Variants in DAZAP2 observed in about 807,000 individuals in gnomAD.
The protein encoded by DAZAP2 is DAZ associated protein 2, also known as DAZ-associated protein 2.
Under a neutral mutation model 16.2 loss-of-function variants are expected in DAZAP2, and 3 were observed. The ratio of observed to expected loss-of-function variants is 0.19; its 90% CI spans 0.08 to 0.48. The LOEUF is 0.48. Ranked by LOEUF, DAZAP2 falls within the 20% of genes least tolerant of loss-of-function variation. DAZAP2 has a pLI of 0.98. For synonymous variants in DAZAP2, 69 were observed against 77.6 expected (o/e 0.89, Z 0.58); for missense variants, 172 against 215.9 (o/e 0.80, Z 1.27).
chr12:51,245,392 G>GT (rs1944753454), downstream of DAZAP2: 1 of 152,682 alleles, frequency 6.5e-6, no homozygotes, highest in Non-Finnish European at 1.5e-5. Flanking sequence ...TAAAAATCAC[G>GT]TAAGCATGAG....
intron 2 of DAZAP2, 57 bp from the exon 3 acceptor site, chr12:51,240,814 G>C: frequency 6.3e-7 from 1 of 1,584,664 alleles, no homozygotes; most frequent in Non-Finnish European, 8.6e-7. Flanking sequence ...TCATTAAAGA[G>C]ATCTCAAATA....
At chr12:51,240,561 TG>T (rs1442736803) in intron 2 of DAZAP2, 100 bp downstream of exon 2, 7 of 1,127,340 alleles carry the variant, frequency 6.2e-6, no homozygotes, top group Admixed American at 5.9e-5. Flanking sequence ...TCTTCACAAA[TG>T]CTAACATGAA....
chr12:51,242,289 T>C, intron 3 of DAZAP2, 41 bp from the exon 4 acceptor site: 1 of 1,537,184 alleles, frequency 6.5e-7, no homozygotes, highest in Non-Finnish European at 8.7e-7. Context: ...TCGCTTATAT[T>C]AGCTGCCCTG....
Position 51,243,138 on chromosome 12 carries a change from G to A in DAZAP2, c.*680G>A, listed in dbSNP as rs762092834. Reference sequence around the variant, plus strand: ...TACAGATGCCATTACTTCTGCTTTCGTATCTCCTCAGGCAAAAGTGGAGGG... The same window carrying A: ...TACAGATGCCATTACTTCTGCTTTCATATCTCCTCAGGCAAAAGTGGAGGG... On this transcript the variant is annotated 3_prime_UTR_variant, in exon 4 of 4. Transcript: ENST00000412716. 3 of 985,908 alleles carry A rather than the reference G, an allele frequency of 3.0e-6. No individual in the cohort carries two copies. The highest frequency in any genetic ancestry group is 3.6e-6 in the Non-Finnish European group (3 of 830,292). The allele number at this position is 985,908 out of a possible 1,614,324, so 61.1% of individuals were successfully genotyped here. A position where few individuals can be genotyped will look rare whatever the true frequency, so the allele number is the denominator to read the frequency against.
In DAZAP2 at chr12:51,242,401, T is replaced by G. The variant is rs1944693842; in HGVS notation, c.450T>G (p.Thr150=). The change falls in exon 4 of 4, where the codon ACT becomes ACG. Residue 150 remains threonine (T), a synonymous_variant. Transcript: ENST00000412716. ...AVMQGANVLV[T]QRKGNFFMGG... Reference sequence around the variant, plus strand: ...TGCAGGGAGCCAACGTCCTCGTAACTCAGCGGAAGGGGAACTTCTTCATGG... The same window carrying G: ...TGCAGGGAGCCAACGTCCTCGTAACGCAGCGGAAGGGGAACTTCTTCATGG... 6 of 1,614,006 alleles carry G rather than the reference T, an allele frequency of 3.7e-6. No individual in the cohort carries two copies. In the South Asian group the frequency reaches 6.6e-5, roughly 18 times the overall value.
rs11555476 is a variant in DAZAP2, at chr12:51,240,948, G to C, written c.210G>C (p.Leu70=). 1.2e-6 allele frequency: 2 copies of C among 1,614,048 alleles called. No individual in the cohort carries two copies. The highest frequency in any genetic ancestry group is 1.7e-5 in the Admixed American group (1 of 59,988). The change falls in exon 3 of 4, where the codon CTG becomes CTC. Residue 70 remains leucine (L), a synonymous_variant. Transcript: ENST00000412716. ...TMSAAFPGAS[L]YLPMAQSVAV... ...CAGCCGCATTTCCTGGAGCCTCTCT[G>C]TATCTTCCCATGGCCCAGTCTGTGG... is the stretch of plus-strand genomic sequence containing the variant.
chr12:51,241,628 A>G (rs1337314607), intron 3 of DAZAP2, among the ~76,000 whole-genome samples: 2 of 152,208 alleles, frequency 1.3e-5, no homozygotes, highest in East Asian at 3.8e-4. Context: ...GATGAAGTGA[A>G]TGTGTCATTA....
At chr12:51,242,174 A>G (rs1188113688) in intron 3 of DAZAP2, among the ~76,000 whole-genome samples, 156 bp from the exon 4 acceptor site, 1 of 152,212 alleles carries the variant, frequency 6.6e-6, no homozygotes, top group African/African-American at 2.4e-5. Flanking sequence ...CATAAAGTAT[A>G]GACCTACTTT....
Position 51,243,461 on chromosome 12 carries a change from G to C in DAZAP2, c.*1003G>C. 2 of 985,780 alleles carry C rather than the reference G, an allele frequency of 2.0e-6. No individual in the cohort carries two copies. The highest frequency in any genetic ancestry group is 2.3e-4 in the East Asian group (2 of 8,814). 61.1% of individuals were successfully genotyped at this position (985,780 alleles called of 1,614,324 possible). On this transcript the variant is annotated 3_prime_UTR_variant, in exon 4 of 4. Transcript: ENST00000412716. ...CCAGAATTCCTAGACTGGGTTAATA[G>C]GGTCATATTGTGAATGTCTCACTAC...
At position 51,238,940 on chromosome 12, in the gene DAZAP2, G is replaced by C. The variant is rs1329572610; in HGVS notation, c.13+20G>C. On this transcript the variant is annotated intron_variant, in intron 1 of 3. Transcript: ENST00000412716. ...GCAAAGGCAAGGACCGAGGGTGGCA[G>C]AGGCCGTCGGGGGGAGTACTGCTGG... The C allele has an allele frequency of 1.2e-6, 2 of 1,613,192 alleles. No individual in the cohort carries two copies. The highest frequency in any genetic ancestry group is 2.2e-5 in the South Asian group (2 of 91,074).
Position 51,243,901 on chromosome 12 carries a change from C to T in DAZAP2, c.*1443C>T, listed in dbSNP as rs937596680. 3.0e-6 allele frequency: 3 copies of T among 985,124 alleles called. No individual in the cohort carries two copies. The highest frequency in any genetic ancestry group is 4.7e-5 in the South Asian group (1 of 21,288). The allele number at this position is 985,124 out of a possible 1,614,324, so 61.0% of individuals were successfully genotyped here. A position where few individuals can be genotyped will look rare whatever the true frequency, so the allele number is the denominator to read the frequency against. The stretch of plus-strand genomic sequence containing the variant: ...GCTGCTGCTCTGTTTCCTTTGATGA[C>T]GCTTTGAAATAAAGGCAGGAGTACA... On this transcript the variant is annotated 3_prime_UTR_variant, in exon 4 of 4. Transcript: ENST00000412716.
downstream of DAZAP2, chr12:51,244,055 A>G (rs919294460): frequency 2.4e-5 from 9 of 381,172 alleles, no homozygotes; most frequent in African/African-American, 2.0e-4. Context: ...TGATTCTCCT[A>G]ACTTGCTCTA....
rs968553922 is a variant in DAZAP2, at chr12:51,243,680, GTC to G, written c.*1230_*1231del. 38 of 985,690 alleles carry G rather than the reference GTC, an allele frequency of 3.9e-5. No individual in the cohort carries two copies. Among genetic ancestry groups the G allele is most frequent in the Middle Eastern group, 5.2e-4 (1 of 1,914 alleles). 61.1% of individuals were successfully genotyped at this position (985,690 alleles called of 1,614,324 possible). A position where few individuals can be genotyped will look rare whatever the true frequency, so the allele number is the denominator to read the frequency against. The stretch of plus-strand genomic sequence containing the variant: ...CTGTTATGGAAGTTCAGCGTTGTAT[GTC>G]TCTCTCTACACTGTGGTGCACTTAA... On this transcript the variant is annotated 3_prime_UTR_variant, in exon 4 of 4. Transcript: ENST00000412716.
In DAZAP2 at chr12:51,240,894, C is replaced by T. The variant is rs757993018; in HGVS notation, c.156C>T (p.His52=). Residue 52 remains histidine (H), a synonymous_variant, in exon 3 of 4, where the codon CAC becomes CAT. Transcript: ENST00000412716. The part of the protein sequence containing the change: ...YSELYRPSFV[H]PGAATVPTMS... ...AGCTCTATCGTCCGAGCTTTGTGCA[C>T]CCAGGGGCTGCCACAGTCCCCACCA... 5.6e-6 allele frequency: 9 copies of T among 1,614,024 alleles called. No individual in the cohort carries two copies. Among genetic ancestry groups the T allele is most frequent in the Non-Finnish European group, 7.6e-6 (9 of 1,180,012 alleles).
intron 1 of DAZAP2, 123 bp downstream of exon 1, chr12:51,239,043 C>A: frequency 2.1e-6 from 3 of 1,425,234 alleles, no homozygotes; most frequent in Non-Finnish European, 2.8e-6. Context: ...CCTTGGCCGG[C>A]TGCAGTCCAG....
downstream of DAZAP2, chr12:51,246,650 A>G (rs1046662787): frequency 2.4e-5 from 17 of 706,348 alleles, no homozygotes; most frequent in Non-Finnish European, 3.7e-5. Context: ...AATATAACTT[A>G]CAAGCCAGAG....
intron 3 of DAZAP2, among the ~76,000 whole-genome samples, chr12:51,241,702 C>T (rs1252791823): frequency 6.6e-6 from 1 of 152,102 alleles, no homozygotes; most frequent in Non-Finnish European, 1.5e-5. Flanking sequence ...CGGTGGCTCA[C>T]CTGAGGTCAG....
At chr12:51,246,143 A>G (rs1944767361), downstream of DAZAP2, 4 of 1,612,532 alleles carry the variant, frequency 2.5e-6, no homozygotes, top group Non-Finnish European at 3.4e-6. Context: ...GGGAAAATGT[A>G]GAGATGTTTC....
chr12:51,244,386 G>A (rs113696769), downstream of DAZAP2, among the ~76,000 whole-genome samples: 193 of 152,186 alleles, frequency 1.3e-3, no homozygotes, highest in Non-Finnish European at 2.4e-3. Flanking sequence ...TAGTAGAGAC[G>A]GCTTCACTGC....
Sources: allele counts gnomAD v4.1 joint callset (sites outside exome capture counted in the v4.1 genomes callset), GRCh38; gene constraint gnomAD v4.1.1; transcripts MANE v1.5; gene names NCBI Gene and HGNC (gene_info 2026-07-23, HGNC 2026-07-21).